Variants in TBC1D32 observed in about 807,000 individuals in gnomAD.
TBC1D32 encodes protein broad-minded.
In TBC1D32, 151 loss-of-function variants were observed where a neutral mutation model predicts 170.3. The observed-to-expected ratio is 0.89, with a 90% CI of 0.78 to 1.01. The LOEUF (loss-of-function observed/expected upper bound fraction) is 1.01. Among genes scored for constraint, TBC1D32 ranks in the 50% least tolerant of loss-of-function variants. The pLI is 0.00. For synonymous variants in TBC1D32, 498 were observed against 488.0 expected (o/e 1.02, Z -0.27); for missense variants, 1,464 against 1,457.1 (o/e 1.00, Z -0.08).
At chr6:121,159,968 A>T in intron 24 of TBC1D32, 42 bp downstream of exon 24, 1 of 1,357,214 alleles carries the variant, frequency 7.4e-7, no homozygotes, top group Non-Finnish European at 1.0e-6. Context: ...ATTATAACAA[A>T]AGCTTTAAAA....
At chr6:121,130,413 C>T (rs982281893) in intron 25 of TBC1D32, among the ~76,000 whole-genome samples, 9 of 152,018 alleles carry the variant, frequency 5.9e-5, no homozygotes, top group African/African-American at 1.4e-4. Flanking sequence ...ACCCAGGAGG[C>T]GGAGGTTGTA....
Position 121,256,042 on chromosome 6 carries a change from A to G in TBC1D32, c.1935+42T>C, listed in dbSNP as rs191785229. The G allele has an allele frequency of 2.6e-6, 4 of 1,522,874 alleles. No homozygotes were observed. In the Admixed American group the frequency reaches 7.7e-5, roughly 29 times the overall value. 94.3% of individuals were successfully genotyped at this position (1,522,874 alleles called of 1,614,324 possible). ...CTATAATGGTGCTTATATTTGAAATAAAGATTTGCAGGGAGAAAAAACGAA... is the reference window on the plus strand; with the variant it reads ...CTATAATGGTGCTTATATTTGAAATGAAGATTTGCAGGGAGAAAAAACGAA... On this transcript the variant is annotated intron_variant, in intron 16 of 31. Coordinates refer to ENST00000398212, the MANE Select transcript of TBC1D32 (RefSeq NM_152730.6).
rs1784016204 is a variant in TBC1D32, at chr6:121,150,075, CATCCTT to C, written c.2773+9929_2773+9934del. Among the ~76,000 whole-genome samples the C allele has an allele frequency of 3.9e-5, 6 of 152,318 alleles. No individual in the cohort carries two copies. The South Asian group carries it at 1.2e-3, about 32-fold the overall frequency. On this transcript the variant is annotated intron_variant, in intron 24 of 31. Coordinates refer to ENST00000398212, the MANE Select transcript of TBC1D32 (RefSeq NM_152730.6). ...GTTGAATAGGATTGGTGAGAGAGGGCATCCTTATCTGTGCCAGTTTTCAAAGGGAAT... is the reference window on the plus strand; with the variant it reads ...GTTGAATAGGATTGGTGAGAGAGGGCATCTGTGCCAGTTTTCAAAGGGAAT...
chr6:121,211,611 C>T (rs984482153), intron 21 of TBC1D32, among the ~76,000 whole-genome samples: 1 of 152,128 alleles, frequency 6.6e-6, no homozygotes, highest in African/African-American at 2.4e-5. Context: ...TAATCGTCTC[C>T]AATTCCATCC....
chr6:121,227,660 C>T (rs545571378), intron 20 of TBC1D32, among the ~76,000 whole-genome samples: 1 of 152,012 alleles, frequency 6.6e-6, no homozygotes, highest in East Asian at 1.9e-4. Flanking sequence ...GAATAAATCC[C>T]ACTTGATCAT....
At chr6:121,262,109 C>A (rs1268379014) in intron 15 of TBC1D32, among the ~76,000 whole-genome samples, 2 of 152,108 alleles carry the variant, frequency 1.3e-5, no homozygotes, top group African/African-American at 2.4e-5. Context: ...ACAAAACCTA[C>A]AAGAATTATG....
intron 3 of TBC1D32, among the ~76,000 whole-genome samples, chr6:121,313,805 A>G (rs1808572115): frequency 1.3e-5 from 2 of 152,238 alleles, no homozygotes; most frequent in Middle Eastern, 6.8e-3. Flanking sequence ...AAAAAAAGAG[A>G]TAAGTGTCTT....
At chr6:121,275,083 C>T (rs1227236317) in intron 15 of TBC1D32, among the ~76,000 whole-genome samples, 2 of 152,228 alleles carry the variant, frequency 1.3e-5, no homozygotes, top group Non-Finnish European at 2.9e-5. Context: ...TACAGTAAAA[C>T]ATTAAATAAG....
chr6:121,178,201 C>A (rs571613050), intron 22 of TBC1D32, among the ~76,000 whole-genome samples: 5 of 152,256 alleles, frequency 3.3e-5, no homozygotes, highest in African/African-American at 7.2e-5. Context: ...CCGCCCTTGA[C>A]ACGTGGGGAT....
chr6:121,281,204 C>T lies in TBC1D32; in HGVS notation c.1608+340G>A, dbSNP rs866481210. On this transcript the variant is annotated intron_variant, in intron 14 of 31. Coordinates refer to ENST00000398212, the MANE Select transcript of TBC1D32 (RefSeq NM_152730.6). ...CACATTTCCAAAACCTATAACAATG[C>T]CATAAAACAAATAACAAAACATTTA... is the stretch of plus-strand genomic sequence containing the variant. Among the ~76,000 whole-genome samples, 10 of 151,572 alleles carry T rather than the reference C, an allele frequency of 6.6e-5. 1 individual carries two copies. In the South Asian group the frequency reaches 1.0e-3, roughly 16 times the overall value.
At chr6:121,161,302 T>C (rs991936911) in intron 22 of TBC1D32, among the ~76,000 whole-genome samples, 2 of 151,120 alleles carry the variant, frequency 1.3e-5, no homozygotes, top group African/African-American at 2.5e-5. Context: ...ATCACCCAGG[T>C]ATTAAGCCCA....
chr6:121,116,845 T>C (rs1198020821), intron 26 of TBC1D32, among the ~76,000 whole-genome samples: 1 of 152,098 alleles, frequency 6.6e-6, no homozygotes, highest in Non-Finnish European at 1.5e-5. Flanking sequence ...TTTCCTAGAG[T>C]TGTACAAATA....
At chr6:121,128,180 G>A (rs1220900016) in intron 25 of TBC1D32, among the ~76,000 whole-genome samples, 1 of 152,144 alleles carries the variant, frequency 6.6e-6, no homozygotes, top group Non-Finnish European at 1.5e-5. Context: ...AGTACTCCAA[G>A]AAGGTTCTAG....
At chr6:121,139,554 A>G (rs989531885) in intron 24 of TBC1D32, among the ~76,000 whole-genome samples, 2 of 152,208 alleles carry the variant, frequency 1.3e-5, no homozygotes, top group Non-Finnish European at 2.9e-5. Context: ...ATATCCAATA[A>G]GAACAAGAAA....
chr6:121,305,373 G>A (rs528922722), intron 5 of TBC1D32, among the ~76,000 whole-genome samples: 1 of 151,990 alleles, frequency 6.6e-6, no homozygotes, highest in Admixed American at 6.6e-5. Context: ...GGCAACAGAT[G>A]TAGTTAGCAT....
chr6:121,205,170 A>G lies in TBC1D32; in HGVS notation c.2482-7T>C. 7.5e-7 allele frequency: 1 copy of G among 1,335,894 alleles called. No homozygotes were observed. Among genetic ancestry groups the G allele is most frequent in the Non-Finnish European group, 1.0e-6 (1 of 973,846 alleles). 82.8% of individuals were successfully genotyped at this position (1,335,894 alleles called of 1,614,324 possible). On this transcript the variant is annotated splice_region_variant and splice_polypyrimidine_tract_variant and intron_variant, in intron 21 of 31. Coordinates refer to ENST00000398212, the MANE Select transcript of TBC1D32 (RefSeq NM_152730.6). ...TAAGTCTATCAATAATATCCTGAAAAAGACAGACAAAATGAGACTGTATTT... is the reference window on the plus strand; with the variant it reads ...TAAGTCTATCAATAATATCCTGAAAGAGACAGACAAAATGAGACTGTATTT...
At chr6:121,302,212 T>G (rs1379985830) in intron 9 of TBC1D32, among the ~76,000 whole-genome samples, 1 of 152,154 alleles carries the variant, frequency 6.6e-6, no homozygotes, top group Non-Finnish European at 1.5e-5. Context: ...AAAAATTCAC[T>G]GGAACAGTCA....
At chr6:121,213,524 T>TAAATAAAATAAAATAAAATA (rs1554271961) in intron 21 of TBC1D32, among the ~76,000 whole-genome samples, 123 of 31,174 alleles carry the variant, frequency 3.9e-3, no homozygotes, top group South Asian at 0.012. Flanking sequence ...TAAAATAAAA[T>TAAATAAAATAAAATAAAATA]AAATAAAATA....
intron 24 of TBC1D32, among the ~76,000 whole-genome samples, chr6:121,138,393 A>G (rs1047408332): frequency 3.9e-5 from 6 of 152,210 alleles, no homozygotes; most frequent in Non-Finnish European, 7.4e-5. Context: ...CTGCACCTGC[A>G]CTAGTAGAAG....
Sources: gnomAD v4.1 joint callset for allele counts (sites outside exome capture counted in the v4.1 genomes callset) on GRCh38, gnomAD v4.1.1 for gene constraint, MANE v1.5 for transcripts, NCBI Gene and HGNC (gene_info 2026-07-23, HGNC 2026-07-21) for gene names.